NAB1: variants seen among roughly 807,000 people sequenced by gnomAD.
NAB1 encodes the protein NGFI-A binding protein 1, also known as NGFI-A-binding protein 1.
NAB1 carries 25 observed loss-of-function variants against 49.9 expected under a neutral mutation model. That is an observed-to-expected ratio of 0.50 (90% CI 0.37 to 0.70). NAB1 has a LOEUF of 0.70. Among genes scored for constraint, NAB1 ranks in the 30% least tolerant of loss-of-function variants. The pLI is 0.00. For synonymous variants in NAB1, 198 were observed against 215.6 expected (o/e 0.92, Z 0.71); for missense variants, 489 against 575.9 (o/e 0.85, Z 1.54).
Position 190,667,219 on chromosome 2 carries a change from G to A in NAB1, c.820-3107G>A, listed in dbSNP as rs1377858925. On this transcript the variant is annotated intron_variant, in intron 4 of 9. Coordinates refer to ENST00000337386, the MANE Select transcript of NAB1 (RefSeq NM_005966.4). This position sits in a 1 kb window ranked among gnomAD's most constrained non-coding sequence, Gnocchi z 4.4. ...TTTATTTTTCTTGGTTTCTGGAAAG[G>A]TAAGAGAAGGAATACTAGAATATTG... Among the ~76,000 whole-genome samples the A allele has an allele frequency of 1.3e-5, 2 of 152,166 alleles. No individual in the cohort carries two copies. The highest frequency in any genetic ancestry group is 2.4e-5 in the African/African-American group (1 of 41,432).
At position 190,659,534 on chromosome 2, in the gene NAB1, G is replaced by T. The variant is rs200434948; in HGVS notation, c.358G>T (p.Ala120Ser). Residue 120 changes from alanine (A) to serine (S), a missense_variant, in exon 4 of 10, where the codon GCC becomes TCC. Physicochemically the swap from Ala to Ser is moderately conservative, Grantham distance 99 (BLOSUM62 1). This residue lies in a region of NAB1 where 204 missense variants were observed against 220.9 expected (regional missense o/e 0.92). Coordinates refer to ENST00000337386, the MANE Select transcript of NAB1 (RefSeq NM_005966.4). This position sits in a 1 kb window ranked among gnomAD's most constrained non-coding sequence, Gnocchi z 6.2. ...SCSSYERSSNAREPHLKIPKC... is the reference protein window; with the variant it reads ...SCSSYERSSNSREPHLKIPKC... Reference sequence around the variant, plus strand: ...CAGTAGTTATGAAAGGAGTAGCAATGCCCGGGAACCTCATTTAAAAATCCC... The same window carrying T: ...CAGTAGTTATGAAAGGAGTAGCAATTCCCGGGAACCTCATTTAAAAATCCC... 6.2e-7 allele frequency: 1 copy of T among 1,614,202 alleles called. No individual in the cohort carries two copies. Among genetic ancestry groups the T allele is most frequent in the Non-Finnish European group, 8.5e-7 (1 of 1,180,030 alleles).
At chr2:190,683,540 A>G (rs1299452777) in intron 6 of NAB1, among the ~76,000 whole-genome samples, 198 bp from the exon 7 acceptor site, 2 of 152,030 alleles carry the variant, frequency 1.3e-5, no homozygotes, top group African/African-American at 4.8e-5. Context: ...CATCTTATTT[A>G]TGTTTCTACT....
intron 6 of NAB1, 194 bp downstream of exon 6, chr2:190,673,346 C>T (rs1694913214): frequency 8.4e-6 from 5 of 597,012 alleles, no homozygotes; most frequent in Non-Finnish European, 1.5e-5. Context: ...ATTAGCAGAC[C>T]AAGGAAAATT....
chr2:190,687,395 CAAAAA>C (rs60742412), intron 9 of NAB1, 78 bp downstream of exon 9: 5,244 of 160,506 alleles, frequency 0.033, 5 homozygotes, highest in East Asian at 0.06. Context: ...CCTCCCCCAT[CAAAAA>C]AAAAAAAAAA....
chr2:190,673,281 C>G, intron 6 of NAB1, 129 bp downstream of exon 6: 1 of 807,348 alleles, frequency 1.2e-6, no homozygotes, highest in Non-Finnish European at 2.0e-6. Flanking sequence ...TTCAATAAAT[C>G]TTTTAAAAAT....
rs748211531 is a variant in NAB1, at chr2:190,659,296, A to G, written c.120A>G (p.Gln40=). ...AACAAGGTGGTGATGATGTCCAGCA[A>G]CTCTGTGAAGCAGGAGAAGAGGAGT... ...FIQQGGDDVQ[Q]LCEAGEEEFL... is the part of the protein sequence containing the mutation. The change falls in exon 4 of 10, where the codon CAA becomes CAG. Residue 40 remains glutamine, a synonymous_variant. Transcript: ENST00000337386. The surrounding 1 kb of genome is among the most constrained non-coding windows in gnomAD (Gnocchi z 6.2). The G allele has an allele frequency of 3.1e-6, 5 of 1,613,850 alleles. No individual in the cohort carries two copies. The African/African-American group carries it at 6.7e-5, about 22-fold the overall frequency.
rs1333835543 is a variant in NAB1, at chr2:190,682,349, A to C, written c.1006-1389A>C. ...TCCTGTGAGGAAACTGAAGTTCAGA[A>C]AGGTTAAGTTACTCATCCGGTGGTC... On this transcript the variant is annotated intron_variant, in intron 6 of 9. Coordinates refer to ENST00000337386, the MANE Select transcript of NAB1 (RefSeq NM_005966.4). The surrounding 1 kb of genome is among the most constrained non-coding windows in gnomAD (Gnocchi z 4.1). Among the ~76,000 whole-genome samples, 1 of 152,184 alleles carries C rather than the reference A, an allele frequency of 6.6e-6. No individual in the cohort carries two copies. Among genetic ancestry groups the C allele is most frequent in the African/African-American group, 2.4e-5 (1 of 41,440 alleles).
intron 3 of NAB1, among the ~76,000 whole-genome samples, chr2:190,656,663 G>T (rs1693936664): frequency 1.3e-5 from 2 of 151,890 alleles, no homozygotes; most frequent in South Asian, 2.1e-4. Flanking sequence ...TTTTTTAAGT[G>T]GGTAAAGATG....
rs1232079341 is a variant in NAB1, at chr2:190,682,032, T to C, written c.1006-1706T>C. ...CTTTAGGAGGTTTCACTAAAGTTAC[T>C]AAAACCATGCTGTCATGATATTTTG... On this transcript the variant is annotated intron_variant, in intron 6 of 9. Coordinates refer to ENST00000337386, the MANE Select transcript of NAB1 (RefSeq NM_005966.4). This position sits in a 1 kb window ranked among gnomAD's most constrained non-coding sequence, Gnocchi z 4.1. Among the ~76,000 whole-genome samples, 1 of 152,142 alleles carries C rather than the reference T, an allele frequency of 6.6e-6. No homozygotes were observed. The highest frequency in any genetic ancestry group is 1.5e-5 in the Non-Finnish European group (1 of 68,020).
In NAB1 at chr2:190,690,230, T is replaced by G. The variant is rs1346442950; in HGVS notation, c.1376-15T>G. On this transcript the variant is annotated splice_polypyrimidine_tract_variant and intron_variant, in intron 9 of 9. Coordinates refer to ENST00000337386, the MANE Select transcript of NAB1 (RefSeq NM_005966.4). Reference sequence around the variant, plus strand: ...GATTAAAATATCAACTCACTTTGTTTCCATTTTTATGTAGAGAGCCTTGGG... The same window carrying G: ...GATTAAAATATCAACTCACTTTGTTGCCATTTTTATGTAGAGAGCCTTGGG... The G allele has an allele frequency of 6.3e-7, 1 of 1,575,432 alleles. No homozygotes were observed. The highest frequency in any genetic ancestry group is 2.2e-5 in the East Asian group (1 of 44,584).
At position 190,654,700 on chromosome 2, in the gene NAB1, T is replaced by C. The variant is rs1574415629; in HGVS notation, c.-196-1277T>C. Among the ~76,000 whole-genome samples the C allele has an allele frequency of 1.3e-5, 2 of 152,206 alleles. No homozygotes were observed. Among genetic ancestry groups the C allele is most frequent in the Middle Eastern group, 3.4e-3 (1 of 294 alleles). On this transcript the variant is annotated intron_variant, in intron 2 of 9. Transcript: ENST00000337386. This position sits in a 1 kb window ranked among gnomAD's most constrained non-coding sequence, Gnocchi z 5.6. ...CAAATCTGTAAACTTGGCATTGCAGTGTGGGATCTATTGAAGGTGAAGGAG... is the reference window on the plus strand; with the variant it reads ...CAAATCTGTAAACTTGGCATTGCAGCGTGGGATCTATTGAAGGTGAAGGAG...
In NAB1 at chr2:190,670,312, T is replaced by C; in HGVS notation, c.820-14T>C. On this transcript the variant is annotated splice_polypyrimidine_tract_variant and intron_variant, in intron 4 of 9. Transcript: ENST00000337386. This position sits in a 1 kb window ranked among gnomAD's most constrained non-coding sequence, Gnocchi z 5.3. ...AAATGTTCTTAATTTTGAAACTCTGTTTTGGATATCCAGCTCACTGTTAAT... is the reference window on the plus strand; with the variant it reads ...AAATGTTCTTAATTTTGAAACTCTGCTTTGGATATCCAGCTCACTGTTAAT... The C allele has an allele frequency of 1.3e-6, 2 of 1,587,516 alleles. No individual in the cohort carries two copies. Among genetic ancestry groups the C allele is most frequent in the Non-Finnish European group, 1.7e-6 (2 of 1,171,490 alleles).
Position 190,689,246 on chromosome 2 carries a change from G to A in NAB1, c.1376-999G>A, listed in dbSNP as rs949572800. Among the ~76,000 whole-genome samples the A allele has an allele frequency of 3.3e-5, 5 of 152,104 alleles. No homozygotes were observed. The highest frequency in any genetic ancestry group is 1.9e-4 in the East Asian group (1 of 5,194). On this transcript the variant is annotated intron_variant, in intron 9 of 9. Coordinates refer to ENST00000337386, the MANE Select transcript of NAB1 (RefSeq NM_005966.4). This position sits in a 1 kb window ranked among gnomAD's most constrained non-coding sequence, Gnocchi z 4.3. ...CCCTGACTGAGTTACTTAAGTACTC[G>A]TCCTTCAGTTGCTTCATTGGTAAAA...
chr2:190,658,559 T>G (rs1694050432), intron 3 of NAB1, among the ~76,000 whole-genome samples: 1 of 152,224 alleles, frequency 6.6e-6, no homozygotes, highest in South Asian at 2.1e-4. Flanking sequence ...TTGACTTTTC[T>G]CTACCTCTTC....
chr2:190,670,919 A>G lies in NAB1; in HGVS notation c.953+460A>G, dbSNP rs1694772612. 1.3e-5 allele frequency among the ~76,000 whole-genome samples: 2 copies of G among 152,226 alleles called. No homozygotes were observed. ...GACTAGTATCTAAGGGAAAATTGAAAGATACTTCTATTACTAGCACATGGG... is the reference window on the plus strand; with the variant it reads ...GACTAGTATCTAAGGGAAAATTGAAGGATACTTCTATTACTAGCACATGGG... On this transcript the variant is annotated intron_variant, in intron 5 of 9. Coordinates refer to ENST00000337386, the MANE Select transcript of NAB1 (RefSeq NM_005966.4). This position sits in a 1 kb window ranked among gnomAD's most constrained non-coding sequence, Gnocchi z 5.3.
chr2:190,653,041 G>A (rs912424474), intron 2 of NAB1, among the ~76,000 whole-genome samples: 1 of 152,170 alleles, frequency 6.6e-6, no homozygotes, highest in Non-Finnish European at 1.5e-5. Context: ...TCTTCTTCCA[G>A]TGTGGCTCAG....
At position 190,680,524 on chromosome 2, in the gene NAB1, G is replaced by T. The variant is rs545795225; in HGVS notation, c.1006-3214G>T. ...TCCATTTCCCTCCCTGGACTGTGTT[G>T]TCAGGAGCGCCTGAGGCATGGCCAT... is the stretch of plus-strand genomic sequence containing the variant. On this transcript the variant is annotated intron_variant, in intron 6 of 9. Transcript: ENST00000337386. The surrounding 1 kb of genome is among the most constrained non-coding windows in gnomAD (Gnocchi z 5.2). Among the ~76,000 whole-genome samples, 49 of 152,298 alleles carry T rather than the reference G, an allele frequency of 3.2e-4. 1 individual carries two copies. Among genetic ancestry groups the T allele is most frequent in the Non-Finnish European group, 3.1e-4 (21 of 68,030 alleles).
chr2:190,671,800 G>A (rs1203819633), intron 5 of NAB1, among the ~76,000 whole-genome samples: 2 of 117,096 alleles, frequency 1.7e-5, no homozygotes, highest in South Asian at 2.8e-4. Context: ...TTTTTGAGAC[G>A]GAGTCTTGCT....
Position 190,685,447 on chromosome 2 carries a change from A to G in NAB1, c.1096-29A>G. ...TTAAAAAATCTAGAATGTTTCAGTT[A>G]CTGATTTGATTTTTGCTTTACTTAC... On this transcript the variant is annotated intron_variant, in intron 7 of 9. Transcript: ENST00000337386. This position sits in a 1 kb window ranked among gnomAD's most constrained non-coding sequence, Gnocchi z 4.5. 3 of 1,571,454 alleles carry G rather than the reference A, an allele frequency of 1.9e-6. No individual in the cohort carries two copies. The highest frequency in any genetic ancestry group is 2.2e-4 in the Middle Eastern group (1 of 4,564).
Sources: gnomAD v4.1 joint callset for allele counts (sites outside exome capture counted in the v4.1 genomes callset) on GRCh38, gnomAD v4.1.1 for gene constraint, gnomAD v4.1.1 regional missense constraint, Gnocchi (gnomAD v3.1) non-coding constraint, MANE v1.5 for transcripts, NCBI Gene and HGNC (gene_info 2026-07-23, HGNC 2026-07-21) for gene names.